The following TTPAL variants were observed in gnomAD, a reference collection of about 807,000 sequenced individuals.
The protein encoded by TTPAL is alpha tocopherol transfer protein like, also known as alpha-tocopherol transfer protein-like.
TTPAL carries 21 observed loss-of-function variants against 28.7 expected under a neutral mutation model. The observed-to-expected ratio is 0.73, with a 90% CI of 0.52 to 1.06. TTPAL has a LOEUF of 1.06. TTPAL is among the 50% of genes least tolerant of loss of function. The pLI is 0.00. For synonymous variants in TTPAL, 169 were observed against 171.9 expected, an observed-to-expected ratio of 0.98 and a Z score of 0.13; for missense variants, 345 against 425.5, an observed-to-expected ratio of 0.81 and a Z score of 1.67.
chr20:44,484,318 C>T lies in TTPAL; in HGVS notation c.446-19C>T. Reference sequence around the variant, plus strand: ...TATATTAACTTCTGTAACATACTGTCAATCTCTTATGACCTTAGACAGATG... The same window carrying T: ...TATATTAACTTCTGTAACATACTGTTAATCTCTTATGACCTTAGACAGATG... On this transcript the variant is annotated intron_variant, in intron 2 of 4. Transcript: ENST00000262605. 6.8e-7 allele frequency: 1 copy of T among 1,471,186 alleles called. No homozygotes were observed. Among genetic ancestry groups the T allele is most frequent in the Non-Finnish European group, 9.2e-7 (1 of 1,088,830 alleles). The allele number at this position is 1,471,186 out of a possible 1,614,324, so 91.1% of individuals were successfully genotyped here.
intron 3 of TTPAL, among the ~76,000 whole-genome samples, chr20:44,485,116 A>G (rs1392766246): frequency 6.6e-6 from 1 of 152,184 alleles, no homozygotes; most frequent in Non-Finnish European, 1.5e-5. Context: ...TCTGTCTCAG[A>G]AAACAAACAA....
rs930595255 is a variant in TTPAL at position 44,494,502 on chromosome 20, T to G, written c.*4961T>G. 2 of 152,744 alleles carry G rather than the reference T, an allele frequency of 1.3e-5. No homozygotes were observed. Among genetic ancestry groups the G allele is most frequent in the Non-Finnish European group, 2.9e-5 (2 of 68,028 alleles). The allele number at this position is 152,744 out of a possible 1,614,324, so 9.5% of individuals were successfully genotyped here. On this transcript the variant is annotated 3_prime_UTR_variant, in exon 5 of 5. Coordinates refer to ENST00000262605, the MANE Select transcript of TTPAL (RefSeq NM_001039199.3). ...ACTTCAGTGTTTGTTTTGACCAAAG[T>G]TTATTTTTCTAGTGCATTTTCTAAG...
chr20:44,484,345 A>T lies in TTPAL; in HGVS notation c.454A>T (p.Ile152Leu). Residue 152 changes from isoleucine (I) to leucine (L), a missense_variant, in exon 3 of 5, where the codon ATA becomes TTA. Physicochemically the swap from Ile to Leu is conservative, Grantham distance 5. Transcript: ENST00000262605. The part of the protein sequence containing the change: ...HVVCIRPDRW[I>L]PSNYPITENI... ...ATCTCTTATGACCTTAGACAGATGG[A>T]TACCAAGCAACTATCCAATTACTGA... 6.4e-7 allele frequency: 1 copy of T among 1,573,412 alleles called. No individual in the cohort carries two copies. Among genetic ancestry groups the T allele is most frequent in the South Asian group, 1.1e-5 (1 of 88,496 alleles).
chr20:44,484,377 C>T lies in TTPAL; in HGVS notation c.486C>T (p.Ile162=). The T allele has an allele frequency of 1.3e-6, 2 of 1,593,762 alleles. No homozygotes were observed. Among genetic ancestry groups the T allele is most frequent in the Non-Finnish European group, 1.7e-6 (2 of 1,163,796 alleles). Residue 162 remains isoleucine (I), a synonymous_variant, in exon 3 of 5, where the codon ATC becomes ATT. Transcript: ENST00000262605. Reference sequence around the variant, plus strand: ...GCAACTATCCAATTACTGAAAACATCCGAGCCATATACTTGACCTTAGAAA... The same window carrying T: ...GCAACTATCCAATTACTGAAAACATTCGAGCCATATACTTGACCTTAGAAA... ...IPSNYPITEN[I]RAIYLTLEKL...
chr20:44,478,189 T>C (rs1435677211), intron 1 of TTPAL, among the ~76,000 whole-genome samples: 1 of 152,160 alleles, frequency 6.6e-6, no homozygotes, highest in African/African-American at 2.4e-5. Context: ...TTAGACGTGC[T>C]AGAAATGTAG....
Position 44,480,506 on chromosome 20 carries a change from C to G in TTPAL, c.445+62C>G. 6.9e-7 allele frequency: 1 copy of G among 1,451,384 alleles called. No homozygotes were observed. Among genetic ancestry groups the G allele is most frequent in the South Asian group, 1.3e-5 (1 of 74,188 alleles). The allele number at this position is 1,451,384 out of a possible 1,614,324, so 89.9% of individuals were successfully genotyped here. On this transcript the variant is annotated intron_variant, in intron 2 of 4. Transcript: ENST00000262605. The surrounding 1 kb of genome is among the most constrained non-coding windows in gnomAD (Gnocchi z 4.1). ...GTCCTTCTGCAGTGTGTCCATTCAGCACCCTGTCCTCCTTTCCAAGTCCCT... is the reference window on the plus strand; with the variant it reads ...GTCCTTCTGCAGTGTGTCCATTCAGGACCCTGTCCTCCTTTCCAAGTCCCT...
At position 44,489,629 on chromosome 20, in the gene TTPAL, C is replaced by A; in HGVS notation, c.*88C>A. 13 of 1,376,900 alleles carry A rather than the reference C, an allele frequency of 9.4e-6. No homozygotes were observed. Among genetic ancestry groups the A allele is most frequent in the Non-Finnish European group, 1.3e-5 (13 of 1,031,362 alleles). 85.3% of individuals were successfully genotyped at this position (1,376,900 alleles called of 1,614,324 possible). On this transcript the variant is annotated 3_prime_UTR_variant, in exon 5 of 5. Transcript: ENST00000262605. ...GAATTTAAGGGTCCATGGATTCAGT[C>A]TTGCTCCTTGTAATTAAACTGCAGG...
rs1264218575 is a variant in TTPAL, at chr20:44,493,173, A to G, written c.*3632A>G. 2.6e-5 allele frequency: 4 copies of G among 152,212 alleles called. No individual in the cohort carries two copies. Among genetic ancestry groups the G allele is most frequent in the African/African-American group, 9.7e-5 (4 of 41,440 alleles). 9.4% of individuals were successfully genotyped at this position (152,212 alleles called of 1,614,324 possible). ...GTGGTGGGTGCCTGTAATCCCAGCTACTTGGGAAGCTGAAGCAGGAGAATC... is the reference window on the plus strand; with the variant it reads ...GTGGTGGGTGCCTGTAATCCCAGCTGCTTGGGAAGCTGAAGCAGGAGAATC... On this transcript the variant is annotated 3_prime_UTR_variant, in exon 5 of 5. Coordinates refer to ENST00000262605, the MANE Select transcript of TTPAL (RefSeq NM_001039199.3).
rs2064098091 is a variant in TTPAL at position 44,480,860 on chromosome 20, C to T, written c.445+416C>T. Reference sequence around the variant, plus strand: ...TGCACGTAGTTAAATCTGGCACCCTCTCAGCTCTCAGGTTTGCCTGACCAC... The same window carrying T: ...TGCACGTAGTTAAATCTGGCACCCTTTCAGCTCTCAGGTTTGCCTGACCAC... On this transcript the variant is annotated intron_variant, in intron 2 of 4. Transcript: ENST00000262605. The surrounding 1 kb of genome is among the most constrained non-coding windows in gnomAD (Gnocchi z 4.1). 6.6e-6 allele frequency among the ~76,000 whole-genome samples: 1 copy of T among 152,224 alleles called. No individual in the cohort carries two copies. Among genetic ancestry groups the T allele is most frequent in the South Asian group, 2.1e-4 (1 of 4,834 alleles).
intron 2 of TTPAL, among the ~76,000 whole-genome samples, chr20:44,481,951 C>A (rs1404602640): frequency 6.6e-6 from 1 of 152,186 alleles, no homozygotes; most frequent in Non-Finnish European, 1.5e-5. Context: ...ACAACACAGT[C>A]AGATATTACA....
chr20:44,486,561 C>T, intron 3 of TTPAL, 35 bp from the exon 4 acceptor site: 1 of 1,281,698 alleles, frequency 7.8e-7, no homozygotes, highest in Non-Finnish European at 1.1e-6. Flanking sequence ...AAAGATTCTC[C>T]AGATGTTCTA....
At chr20:44,476,147 A>G (rs2064040330) in intron 1 of TTPAL, among the ~76,000 whole-genome samples, 156 bp downstream of exon 1, 1 of 151,952 alleles carries the variant, frequency 6.6e-6, no homozygotes, top group Admixed American at 6.6e-5. Flanking sequence ...GGGCCTCGGA[A>G]GGTTGTCCAC....
At chr20:44,486,853 T>C in intron 4 of TTPAL, 147 bp downstream of exon 4, 1 of 584,634 alleles carries the variant, frequency 1.7e-6, no homozygotes, top group Non-Finnish European at 3.0e-6. Flanking sequence ...CAGTCCCTTT[T>C]GTGAGGAGAA....
chr20:44,479,292 A>G (rs1006210296), intron 1 of TTPAL, among the ~76,000 whole-genome samples: 1 of 151,868 alleles, frequency 6.6e-6, no homozygotes, highest in Middle Eastern at 3.2e-3. Context: ...GTAGGTTTAC[A>G]TTCTGAAGAT....
chr20:44,486,421 A>G (rs2122892852), intron 3 of TTPAL, 175 bp from the exon 4 acceptor site: 2 of 500,558 alleles, frequency 4.0e-6, no homozygotes, highest in Non-Finnish European at 7.1e-6. Context: ...GGGTCCCAGG[A>G]AAGACTTTCC....
rs2064195888 is a variant in TTPAL, at chr20:44,490,584, A to G, written c.*1043A>G. 6.6e-6 allele frequency: 1 copy of G among 152,304 alleles called. No individual in the cohort carries two copies. Among genetic ancestry groups the G allele is most frequent in the Non-Finnish European group, 1.5e-5 (1 of 68,036 alleles). 9.4% of individuals were successfully genotyped at this position (152,304 alleles called of 1,614,324 possible). On this transcript the variant is annotated 3_prime_UTR_variant, in exon 5 of 5. Coordinates refer to ENST00000262605, the MANE Select transcript of TTPAL (RefSeq NM_001039199.3). ...TGTGTCACCAATTAGCCCTGCCTTT[A>G]AAGAAACTATTATGTGTATTCCTGG...
At chr20:44,482,212 C>A (rs2064111801) in intron 2 of TTPAL, among the ~76,000 whole-genome samples, 1 of 152,144 alleles carries the variant, frequency 6.6e-6, no homozygotes, top group South Asian at 2.1e-4. Flanking sequence ...CGTTAGACAG[C>A]AAGCTGGCAC....
At position 44,475,926 on chromosome 20, in the gene TTPAL, T is replaced by A. The variant is rs2064037254; in HGVS notation, c.-81T>A. 6.6e-6 allele frequency: 1 copy of A among 152,240 alleles called. No individual in the cohort carries two copies. Among genetic ancestry groups the A allele is most frequent in the South Asian group, 2.1e-4 (1 of 4,840 alleles). The allele number at this position is 152,240 out of a possible 1,614,324, so 9.4% of individuals were successfully genotyped here. ...GGCCGGGCAGGGAGTGCGGGTCGGT[T>A]CTGCGTGCGCTGCCGGACGAGGCTC... On this transcript the variant is annotated 5_prime_UTR_variant, in exon 1 of 5. Transcript: ENST00000262605.
intron 1 of TTPAL, chr20:44,478,649 TA>T (rs1294821953): frequency 3.9e-5 from 6 of 152,268 alleles, no homozygotes; most frequent in Non-Finnish European, 7.3e-5. Flanking sequence ...TAACCATTGG[TA>T]AGTTTCTTAT....
Sources: allele counts gnomAD v4.1 joint callset (sites outside exome capture counted in the v4.1 genomes callset), GRCh38; gene constraint gnomAD v4.1.1; non-coding constraint Gnocchi (gnomAD v3.1); transcripts MANE v1.5; gene names NCBI Gene and HGNC (gene_info 2026-07-23, HGNC 2026-07-21).